Variants in WWOX observed in about 807,000 individuals in gnomAD.
The protein encoded by WWOX is WW domain-containing oxidoreductase.
In WWOX, 69 loss-of-function variants were observed where a neutral mutation model predicts 46.2. The observed-to-expected ratio is 1.49, with a 90% CI of 1.23 to 1.82. The LOEUF is 1.82. Ranked by LOEUF, WWOX falls within the 40% of genes most tolerant of loss-of-function variation. The pLI, the probability that WWOX is intolerant of heterozygous loss-of-function variation, is 0.00. For synonymous variants in WWOX, 359 were observed against 202.6 expected, an observed-to-expected ratio of 1.77 and a Z score of -6.56; for missense variants, 919 against 542.6, an observed-to-expected ratio of 1.69 and a Z score of -6.89.
intron 4 of WWOX, among the ~76,000 whole-genome samples, chr16:78,133,011 A>G (rs572455320): frequency 2.0e-5 from 3 of 152,276 alleles, no homozygotes; most frequent in South Asian, 2.1e-4. Flanking sequence ...TCTGGATGGT[A>G]TTTGGATCTA....
chr16:78,820,793 G>T (rs913654266), intron 8 of WWOX, among the ~76,000 whole-genome samples: 1 of 152,112 alleles, frequency 6.6e-6, no homozygotes, highest in Non-Finnish European at 1.5e-5. Context: ...TGTGGGGTTC[G>T]TTCCTTCTGG....
chr16:79,053,933 G>T (rs935554792), intron 8 of WWOX, among the ~76,000 whole-genome samples: 2 of 151,996 alleles, frequency 1.3e-5, no homozygotes, highest in African/African-American at 4.8e-5. Context: ...AGAATCTGTG[G>T]TTAGAACTAA....
At chr16:79,136,016 T>G (rs2049975003) in intron 8 of WWOX, among the ~76,000 whole-genome samples, 2 of 152,250 alleles carry the variant, frequency 1.3e-5, no homozygotes, top group African/African-American at 4.8e-5. Context: ...TGCAACCTTG[T>G]AATTTTTTCC....
intron 8 of WWOX, among the ~76,000 whole-genome samples, chr16:78,902,945 G>C (rs748298213): frequency 6.6e-6 from 1 of 152,284 alleles, no homozygotes; most frequent in African/African-American, 2.4e-5. Context: ...CGGCTGAGTC[G>C]AGGATCCACA....
At chr16:78,970,135 A>C (rs2046441771) in intron 8 of WWOX, among the ~76,000 whole-genome samples, 1 of 152,200 alleles carries the variant, frequency 6.6e-6, no homozygotes, top group Non-Finnish European at 1.5e-5. Context: ...TGGCCTGAGT[A>C]GCACATCGTG....
At chr16:78,895,845 G>C (rs979553927) in intron 8 of WWOX, 2 of 152,166 alleles carry the variant, frequency 1.3e-5, no homozygotes, top group South Asian at 2.1e-4. Flanking sequence ...AAAGTCGAGT[G>C]CTCTCATGCC....
At chr16:78,856,179 G>A (rs117846016) in intron 8 of WWOX, among the ~76,000 whole-genome samples, 2 of 152,128 alleles carry the variant, frequency 1.3e-5, no homozygotes, top group Admixed American at 1.3e-4. Context: ...TTTTTTTGGT[G>A]CATAAAGGGC....
intron 8 of WWOX, among the ~76,000 whole-genome samples, chr16:78,688,807 A>G (rs932389436): frequency 5.9e-5 from 9 of 152,142 alleles, no homozygotes; most frequent in African/African-American, 1.4e-4. Context: ...CCCACGTGTC[A>G]TGGGAGGGAC....
intron 8 of WWOX, among the ~76,000 whole-genome samples, chr16:78,437,515 C>G (rs2083359820): frequency 6.6e-6 from 1 of 152,296 alleles, no homozygotes; most frequent in East Asian, 1.9e-4. Flanking sequence ...ATGAGAAACT[C>G]ACAGGAATCA....
chr16:78,996,575 G>C (rs570505026), intron 8 of WWOX, among the ~76,000 whole-genome samples: 3 of 152,042 alleles, frequency 2.0e-5, no homozygotes, highest in African/African-American at 7.2e-5. Flanking sequence ...GAAAATTACA[G>C]TGAGAGATGG....
rs144353842 is a variant in WWOX at position 78,607,307 on chromosome 16, G to A, written c.1056+174555G>A. Reference sequence around the variant, plus strand: ...ATACAAAATAGTTGTAAGAATCGGGGCTCCTGTGAGTACGTAAATGAAATA... The same window carrying A: ...ATACAAAATAGTTGTAAGAATCGGGACTCCTGTGAGTACGTAAATGAAATA... On this transcript the variant is annotated intron_variant, in intron 8 of 8. Coordinates refer to ENST00000566780, the MANE Select transcript of WWOX (RefSeq NM_016373.4). Among the ~76,000 whole-genome samples the A allele has an allele frequency of 5.5e-3, 837 of 152,128 alleles. 8 individuals carry two copies. Among genetic ancestry groups the A allele is most frequent in the African/African-American group, 0.02 (811 of 41,492 alleles).
chr16:79,063,491 A>T (rs1307997452), intron 8 of WWOX, among the ~76,000 whole-genome samples: 2 of 152,238 alleles, frequency 1.3e-5, no homozygotes, highest in African/African-American at 4.8e-5. Flanking sequence ...AAACAAAAGC[A>T]AGAAATAAAA....
At position 78,441,980 on chromosome 16, in the gene WWOX, G is replaced by C. The variant is rs530988991; in HGVS notation, c.1056+9228G>C. On this transcript the variant is annotated intron_variant, in intron 8 of 8. Coordinates refer to ENST00000566780, the MANE Select transcript of WWOX (RefSeq NM_016373.4). ...CATGAGTGTGTGTGTGTGTGTGTGT[G>C]TGTGTGTGTGGCTGGGCATGGTGGC... is the stretch of plus-strand genomic sequence containing the variant. Among the ~76,000 whole-genome samples the C allele has an allele frequency of 6.6e-5, 10 of 150,432 alleles. No homozygotes were observed. In the South Asian group the frequency reaches 2.1e-3, roughly 31 times the overall value.
chr16:78,989,085 A>G (rs577148072), intron 8 of WWOX, among the ~76,000 whole-genome samples: 2 of 152,256 alleles, frequency 1.3e-5, no homozygotes, highest in African/African-American at 2.4e-5. Flanking sequence ...TGGGACTAAC[A>G]ATGATCCCTT....
At chr16:78,872,165 G>C (rs116141966) in intron 8 of WWOX, among the ~76,000 whole-genome samples, 4 of 152,186 alleles carry the variant, frequency 2.6e-5, no homozygotes, top group Non-Finnish European at 4.4e-5. Context: ...TACTTTTAGA[G>C]ACGATGTCTA....
chr16:78,669,631 G>A (rs949414948), intron 8 of WWOX, among the ~76,000 whole-genome samples: 1 of 152,192 alleles, frequency 6.6e-6, no homozygotes, highest in Non-Finnish European at 1.5e-5. Flanking sequence ...GTCAGTTTCA[G>A]ATATCCAACA....
intron 5 of WWOX, among the ~76,000 whole-genome samples, chr16:78,169,188 A>G (rs796348047): frequency 5.3e-5 from 8 of 152,216 alleles, no homozygotes; most frequent in African/African-American, 1.7e-4. Context: ...TAAGACAAGC[A>G]CCTATCGTTT....
intron 8 of WWOX, among the ~76,000 whole-genome samples, chr16:78,618,757 C>T (rs1012206564): frequency 2.0e-5 from 3 of 151,854 alleles, no homozygotes; most frequent in Non-Finnish European, 4.4e-5. Context: ...CCACTGTCTT[C>T]CCCACCTGAG....
At chr16:78,928,844 C>G (rs187412397) in intron 8 of WWOX, among the ~76,000 whole-genome samples, 2 of 152,248 alleles carry the variant, frequency 1.3e-5, no homozygotes, top group African/African-American at 2.4e-5. Context: ...GCTTCTCTGT[C>G]AAGAGAATTA....
Sources: allele counts gnomAD v4.1 joint callset (sites outside exome capture counted in the v4.1 genomes callset), GRCh38; gene constraint gnomAD v4.1.1; transcripts MANE v1.5; gene names NCBI Gene and HGNC (gene_info 2026-07-23, HGNC 2026-07-21).